The following KLHL30 variants were observed in gnomAD, a reference collection of about 807,000 sequenced individuals.
KLHL30 encodes the protein kelch like family member 30.
Under a neutral mutation model 55.0 loss-of-function variants are expected in KLHL30, and 55 were observed. The ratio of observed to expected loss-of-function variants is 1.00; its 90% CI spans 0.80 to 1.25. The LOEUF (loss-of-function observed/expected upper bound fraction) is 1.25. KLHL30 is among the 50% of genes most tolerant of loss of function. KLHL30 has a pLI of 0.00. For missense variants in KLHL30, 786 were observed against 811.6 expected, an observed-to-expected ratio of 0.97 and a Z score of 0.38; for synonymous variants, 356 against 372.6, an observed-to-expected ratio of 0.96 and a Z score of 0.51.
chr2:238,144,964 C>T lies in KLHL30; in HGVS notation c.970C>T (p.Leu324=), dbSNP rs1335275783. The part of the protein sequence containing the change: ...YHKWGFSLAA[L]NNNIYVTGGS... Reference sequence around the variant, plus strand: ...CAAGTGGGGTTTCTCCCTGGCGGCCCTGAACAACAACATCTATGTCACAGG... The same window carrying T: ...CAAGTGGGGTTTCTCCCTGGCGGCCTTGAACAACAACATCTATGTCACAGG... Residue 324 remains leucine (L), a synonymous_variant, in exon 4 of 8, where the codon CTG becomes TTG. Transcript: ENST00000409223. 1 of 1,608,936 alleles carries T rather than the reference C, an allele frequency of 6.2e-7. No individual in the cohort carries two copies. The highest frequency in any genetic ancestry group is 8.5e-7 in the Non-Finnish European group (1 of 1,177,870).
chr2:238,144,420 A>AGGCAGGCAGGCAGGC (rs1692604143), intron 3 of KLHL30, among the ~76,000 whole-genome samples: 8 of 98,904 alleles, frequency 8.1e-5, no homozygotes, highest in South Asian at 3.0e-4. Context: ...GGAAGGAAGG[A>AGGCAGGCAGGCAGGC]AGGAAGGAAG....
intron 6 of KLHL30, 35 bp from the exon 7 acceptor site, chr2:238,148,972 C>T (rs1223118215): frequency 1.3e-6 from 2 of 1,557,842 alleles, no homozygotes; most frequent in African/African-American, 2.7e-5. Flanking sequence ...TCTGGCAACC[C>T]TGGTGACGGT....
Position 238,151,501 on chromosome 2 carries a change from C to A in KLHL30, c.*436C>A. The stretch of plus-strand genomic sequence containing the variant: ...GCTGAGGCTGCTGGGGAAGGCAGGC[C>A]CCGGAGATGGGATCAGCACCAGGTC... On this transcript the variant is annotated 3_prime_UTR_variant, in exon 8 of 8. Coordinates refer to ENST00000409223, the MANE Select transcript of KLHL30 (RefSeq NM_198582.4). The A allele has an allele frequency of 4.8e-6, 1 of 207,278 alleles. No individual in the cohort carries two copies. Among genetic ancestry groups the A allele is most frequent in the Non-Finnish European group, 9.8e-6 (1 of 102,142 alleles). The allele number at this position is 207,278 out of a possible 1,614,324, so 12.8% of individuals were successfully genotyped here.
rs1279408393 is a variant in KLHL30, at chr2:238,151,047, C to T, written c.1719C>T (p.Gly573=). 6.3e-7 allele frequency: 1 copy of T among 1,592,392 alleles called. No homozygotes were observed. Among genetic ancestry groups the T allele is most frequent in the South Asian group, 1.1e-5 (1 of 87,490 alleles). ...LDVSKWTQPS[G]PTQEH ...TCTCCAAGTGGACCCAGCCCTCCGG[C>T]CCCACCCAGGAGCACTAAACCAGGG... The change falls in exon 8 of 8, where the codon GGC becomes GGT. Residue 573 remains glycine, a synonymous_variant. Transcript: ENST00000409223.
At position 238,151,810 on chromosome 2, in the gene KLHL30, T is replaced by C. The variant is rs1437908929; in HGVS notation, c.*745T>C. 17 of 924,616 alleles carry C rather than the reference T, an allele frequency of 1.8e-5. No homozygotes were observed. Among genetic ancestry groups the C allele is most frequent in the Non-Finnish European group, 2.2e-5 (17 of 774,460 alleles). 57.3% of individuals were successfully genotyped at this position (924,616 alleles called of 1,614,324 possible). A position where few individuals can be genotyped will look rare whatever the true frequency, so the allele number is the denominator to read the frequency against. ...GTCCCAGGGAGGTGAGCAGTTTTGCTCTCAGAAGGGATTGCCTCCGTCTCT... is the reference window on the plus strand; with the variant it reads ...GTCCCAGGGAGGTGAGCAGTTTTGCCCTCAGAAGGGATTGCCTCCGTCTCT... On this transcript the variant is annotated 3_prime_UTR_variant, in exon 8 of 8. Transcript: ENST00000409223.
intron 3 of KLHL30, among the ~76,000 whole-genome samples, chr2:238,144,421 A>AT (rs2106312309): frequency 9.3e-6 from 1 of 107,226 alleles, no homozygotes; most frequent in Admixed American, 9.1e-5. Context: ...GAAGGAAGGA[A>AT]GGAAGGAAGG....
chr2:238,143,430 G>A (rs1359953909), intron 3 of KLHL30, among the ~76,000 whole-genome samples: 1 of 152,260 alleles, frequency 6.6e-6, no homozygotes, highest in Non-Finnish European at 1.5e-5. Context: ...TCACCTCTCT[G>A]AGCCTCAGCT....
intron 4 of KLHL30, 149 bp downstream of exon 4, chr2:238,145,137 C>T (rs745801722): frequency 5.9e-5 from 41 of 696,984 alleles, no homozygotes; most frequent in Non-Finnish European, 8.5e-5. Flanking sequence ...ATTTAAAATC[C>T]GTGGTCACTC....
Position 238,140,878 on chromosome 2 carries a change from C to G in KLHL30, c.124C>G (p.Arg42Gly). The G allele has an allele frequency of 6.2e-7, 1 of 1,611,198 alleles. No individual in the cohort carries two copies. Among genetic ancestry groups the G allele is most frequent in the East Asian group, 2.2e-5 (1 of 44,822 alleles). Residue 42 changes from arginine (R) to glycine (G), a missense_variant, in exon 2 of 8, where the codon CGG becomes GGG. Arg to Gly is a moderately radical substitution (Grantham distance 125). Coordinates refer to ENST00000409223, the MANE Select transcript of KLHL30 (RefSeq NM_198582.4). ...LADVTLLVGGRELPCHRGLLA... is the reference protein window; with the variant it reads ...LADVTLLVGGGELPCHRGLLA... ...CGACGTCACACTGCTGGTGGGCGGC[C>G]GGGAGCTGCCATGCCACCGCGGCCT... is the stretch of plus-strand genomic sequence containing the variant.
Position 238,147,792 on chromosome 2 carries a change from T to C in KLHL30, c.1151-42T>C. On this transcript the variant is annotated intron_variant, in intron 5 of 7. Coordinates refer to ENST00000409223, the MANE Select transcript of KLHL30 (RefSeq NM_198582.4). This position sits in a 1 kb window ranked among gnomAD's most constrained non-coding sequence, Gnocchi z 5.8. Reference sequence around the variant, plus strand: ...AGCCCCTGAGTTTCCAGGCCTCCCCTCTCCTCCCCAGCCCTGAACTGCCCC... The same window carrying C: ...AGCCCCTGAGTTTCCAGGCCTCCCCCCTCCTCCCCAGCCCTGAACTGCCCC... 1 of 1,295,862 alleles carries C rather than the reference T, an allele frequency of 7.7e-7. No homozygotes were observed. Among genetic ancestry groups the C allele is most frequent in the Non-Finnish European group, 1.0e-6 (1 of 988,178 alleles). 80.3% of individuals were successfully genotyped at this position (1,295,862 alleles called of 1,614,324 possible). A position where few individuals can be genotyped will look rare whatever the true frequency, so the allele number is the denominator to read the frequency against.
rs946485201 is a variant in KLHL30, at chr2:238,152,158, C to T, written c.*1093C>T. On this transcript the variant is annotated 3_prime_UTR_variant, in exon 8 of 8. Transcript: ENST00000409223. ...CCAGGCACAGGCCCTGGTGTTGCCC[C>T]AGAGGCCCTGGGCAGCTCCGGTCTC... 5.9e-5 allele frequency: 58 copies of T among 985,338 alleles called. No individual in the cohort carries two copies. The highest frequency in any genetic ancestry group is 6.7e-5 in the Non-Finnish European group (56 of 829,982). 61.0% of individuals were successfully genotyped at this position (985,338 alleles called of 1,614,324 possible).
At chr2:238,148,849 C>A (rs1343093966) in intron 6 of KLHL30, among the ~76,000 whole-genome samples, 158 bp from the exon 7 acceptor site, 1 of 152,168 alleles carries the variant, frequency 6.6e-6, no homozygotes, top group East Asian at 1.9e-4. Flanking sequence ...AGGTGTGGGT[C>A]CCTCCCAGCT....
At position 238,139,861 on chromosome 2, in the gene KLHL30, G is replaced by A. The variant is rs114708539; in HGVS notation, c.-70-824G>A. Among the ~76,000 whole-genome samples the A allele has an allele frequency of 8.7e-3, 1,321 of 152,328 alleles. 18 individuals carry two copies. Among genetic ancestry groups the A allele is most frequent in the African/African-American group, 0.03 (1,245 of 41,566 alleles). On this transcript the variant is annotated intron_variant, in intron 1 of 7. Coordinates refer to ENST00000409223, the MANE Select transcript of KLHL30 (RefSeq NM_198582.4). ...CTCTCCTAGGGATGGTTGTCTTAGG[G>A]TGCGATACCAGAAGGACATAAACCA... is the stretch of plus-strand genomic sequence containing the variant.
At position 238,147,957 on chromosome 2, in the gene KLHL30, ACCTGGTGGGCTCCAGCG is replaced by A. The variant is rs1692677958; in HGVS notation, c.1279_1295del (p.Val427GlnfsTer72). Reference sequence around the variant, plus strand: ...GCTGCCGGCTGCCGGGGCCGGCTCTACCTGGTGGGCTCCAGCGCCTGCAAGTACAACGCCCTGGCCCT... The same window carrying A: ...GCTGCCGGCTGCCGGGGCCGGCTCTACCTGCAAGTACAACGCCCTGGCCCT... On this transcript the variant is annotated frameshift_variant, in exon 6 of 8. Transcript: ENST00000409223. LOFTEE classifies it high-confidence loss of function. The surrounding 1 kb of genome is among the most constrained non-coding windows in gnomAD (Gnocchi z 5.8). The A allele has an allele frequency of 1.9e-6, 3 of 1,576,942 alleles. No individual in the cohort carries two copies. In the South Asian group the frequency reaches 3.5e-5, roughly 18 times the overall value.
Position 238,152,002 on chromosome 2 carries a change from T to C in KLHL30, c.*937T>C. The C allele has an allele frequency of 8.1e-6, 8 of 985,472 alleles. No homozygotes were observed. Among genetic ancestry groups the C allele is most frequent in the Non-Finnish European group, 8.4e-6 (7 of 829,974 alleles). The allele number at this position is 985,472 out of a possible 1,614,324, so 61.0% of individuals were successfully genotyped here. On this transcript the variant is annotated 3_prime_UTR_variant, in exon 8 of 8. Transcript: ENST00000409223. ...CAGGCTCCGAGTGGCTTCTCCCTCATCCTGAATGAGGCACCCACCTTTGCA... is the reference window on the plus strand; with the variant it reads ...CAGGCTCCGAGTGGCTTCTCCCTCACCCTGAATGAGGCACCCACCTTTGCA...
chr2:238,150,881 C>CA lies in KLHL30; in HGVS notation c.1553_1554insA (p.Gly520ArgfsTer9). 6.3e-7 allele frequency: 1 copy of CA among 1,597,366 alleles called. No individual in the cohort carries two copies. The highest frequency in any genetic ancestry group is 8.5e-7 in the Non-Finnish European group (1 of 1,173,406). ...CCACTGGGTGATGCGCTGTACGTGA[C>CA]GGGCGGCCGCTGGCAGGGCATGGAA... On this transcript the variant is annotated frameshift_variant, in exon 8 of 8. Transcript: ENST00000409223. LOFTEE classifies it high-confidence loss of function.
At position 238,141,135 on chromosome 2, in the gene KLHL30, G is replaced by A. The variant is rs780070583; in HGVS notation, c.381G>A (p.Gln127=). 6 of 1,611,522 alleles carry A rather than the reference G, an allele frequency of 3.7e-6. No individual in the cohort carries two copies. Among genetic ancestry groups the A allele is most frequent in the Non-Finnish European group, 5.1e-6 (6 of 1,179,142 alleles). The change falls in exon 2 of 8, where the codon CAG becomes CAA. Residue 127 remains glutamine, a synonymous_variant. Transcript: ENST00000409223. Reference sequence around the variant, plus strand: ...AGAAGGTCTGCGGCCGCTACCTGCAGCAGCAACTGGATGCCGCCAACTGCC... The same window carrying A: ...AGAAGGTCTGCGGCCGCTACCTGCAACAGCAACTGGATGCCGCCAACTGCC... The part of the protein sequence containing the change: ...SVQKVCGRYL[Q]QQLDAANCLG...
intron 1 of KLHL30, among the ~76,000 whole-genome samples, chr2:238,139,323 C>T (rs1182041970): frequency 6.6e-6 from 1 of 152,238 alleles, no homozygotes; most frequent in Middle Eastern, 3.2e-3. Flanking sequence ...CAGGCCCCAG[C>T]TCATCTCCCG....
Position 238,150,997 on chromosome 2 carries a change from G to C in KLHL30, c.1669G>C (p.Gly557Arg), listed in dbSNP as rs775684927. The change falls in exon 8 of 8, where the codon GGG (glycine) becomes CGG (arginine). Residue 557 changes from glycine (G) to arginine (R), a missense_variant. Gly to Arg is a moderately radical substitution (Grantham distance 125). Coordinates refer to ENST00000409223, the MANE Select transcript of KLHL30 (RefSeq NM_198582.4). Reference protein sequence around the residue: ...GALPRLWLYHGASTVFLDVSK... With the variant: ...GALPRLWLYHRASTVFLDVSK... Reference sequence around the variant, plus strand: ...CCTGCCCCGGCTCTGGCTCTACCACGGGGCCTCCACCGTCTTCCTGGATGT... The same window carrying C: ...CCTGCCCCGGCTCTGGCTCTACCACCGGGCCTCCACCGTCTTCCTGGATGT... 5.0e-6 allele frequency: 8 copies of C among 1,589,246 alleles called. No individual in the cohort carries two copies. Among genetic ancestry groups the C allele is most frequent in the Non-Finnish European group, 6.8e-6 (8 of 1,169,270 alleles).
Sources: allele counts gnomAD v4.1 joint callset (sites outside exome capture counted in the v4.1 genomes callset), GRCh38; gene constraint gnomAD v4.1.1; non-coding constraint Gnocchi (gnomAD v3.1); transcripts MANE v1.5; gene names NCBI Gene and HGNC (gene_info 2026-07-23, HGNC 2026-07-21).